The following CACNA2D3 variants were observed in gnomAD, a reference collection of about 807,000 sequenced individuals.
The protein encoded by CACNA2D3 is voltage-dependent calcium channel subunit alpha-2/delta-3.
Under a neutral mutation model 160.6 loss-of-function variants are expected in CACNA2D3, and 60 were observed. That is an observed-to-expected ratio of 0.37 (90% CI 0.30 to 0.46). CACNA2D3 has a LOEUF of 0.46. Ranked by LOEUF, CACNA2D3 falls within the 20% of genes least tolerant of loss-of-function variation. The pLI, the probability that CACNA2D3 is intolerant of heterozygous loss-of-function variation, is 1.00. For synonymous variants in CACNA2D3, 558 were observed against 492.9 expected, an observed-to-expected ratio of 1.13 and a Z score of -1.75; for missense variants, 1,205 against 1,365.0, an observed-to-expected ratio of 0.88 and a Z score of 1.85.
At chr3:54,903,872 A>G (rs1191710014) in intron 27 of CACNA2D3, among the ~76,000 whole-genome samples, 2 of 152,102 alleles carry the variant, frequency 1.3e-5, no homozygotes, top group African/African-American at 2.4e-5. Flanking sequence ...AGAAGTGTCT[A>G]TTCATGTCCT....
intron 4 of CACNA2D3, among the ~76,000 whole-genome samples, chr3:54,473,872 G>A (rs1009638672): frequency 6.6e-6 from 1 of 152,158 alleles, no homozygotes; most frequent in Non-Finnish European, 1.5e-5. Context: ...CATTTAGAAT[G>A]GCGATTATTA....
chr3:54,651,741 C>T (rs757186859), intron 11 of CACNA2D3, among the ~76,000 whole-genome samples: 1 of 152,096 alleles, frequency 6.6e-6, no homozygotes, highest in Admixed American at 6.6e-5. Flanking sequence ...CAGCCTTGCC[C>T]CAGTGGCCTC....
chr3:54,339,127 T>TATTC (rs1331894337), intron 3 of CACNA2D3, among the ~76,000 whole-genome samples: 2 of 152,238 alleles, frequency 1.3e-5, no homozygotes, highest in Non-Finnish European at 2.9e-5. Context: ...GGCCATTGAA[T>TATTC]GGTCCTGGCC....
At chr3:54,203,418 G>T (rs193236046) in intron 2 of CACNA2D3, among the ~76,000 whole-genome samples, 503 of 152,312 alleles carry the variant, frequency 3.3e-3, no homozygotes, top group Non-Finnish European at 4.8e-3. Context: ...GTGTTACAGG[G>T]TGCTCCTTTA....
chr3:54,405,592 A>G (rs1171159987), intron 4 of CACNA2D3, among the ~76,000 whole-genome samples: 1 of 152,102 alleles, frequency 6.6e-6, no homozygotes, highest in African/African-American at 2.4e-5. Context: ...ACCTAAATGT[A>G]AAACCTGAAA....
intron 11 of CACNA2D3, among the ~76,000 whole-genome samples, chr3:54,679,794 T>C (rs758768301): frequency 2.0e-5 from 3 of 152,272 alleles, no homozygotes; most frequent in Non-Finnish European, 2.9e-5. Flanking sequence ...AAATCATTTC[T>C]TATTTTTAAA....
At chr3:54,159,221 GA>G (rs1259661916) in intron 2 of CACNA2D3, among the ~76,000 whole-genome samples, 1 of 151,502 alleles carries the variant, frequency 6.6e-6, no homozygotes, top group Non-Finnish European at 1.5e-5. Context: ...ATAAGTTTAA[GA>G]AAAAAAATCC....
chr3:54,709,612 T>A (rs1203117410), intron 11 of CACNA2D3, among the ~76,000 whole-genome samples: 1 of 152,176 alleles, frequency 6.6e-6, no homozygotes, highest in Admixed American at 6.5e-5. Flanking sequence ...TCCTTCTGCC[T>A]TGGAAGTCTT....
chr3:54,275,404 A>G (rs1702713182), intron 2 of CACNA2D3, among the ~76,000 whole-genome samples: 1 of 152,208 alleles, frequency 6.6e-6, no homozygotes, highest in South Asian at 2.1e-4. Flanking sequence ...AAGTTCAAAA[A>G]CAATATGAAA....
intron 2 of CACNA2D3, among the ~76,000 whole-genome samples, chr3:54,284,271 A>G (rs1232771580): frequency 2.0e-5 from 3 of 151,778 alleles, no homozygotes; most frequent in African/African-American, 4.8e-5. Flanking sequence ...GTATAATAAT[A>G]ATAAAAAATA....
At chr3:54,830,012 C>CGGGTTCAAGCAATTCTCTGCCTCCT (rs1467593383) in intron 14 of CACNA2D3, among the ~76,000 whole-genome samples, 2 of 10,550 alleles carry the variant, frequency 1.9e-4, no homozygotes, top group Admixed American at 6.8e-4. Context: ...CTCTGCCTCC[C>CGGGTTCAAGCAATTCTCTGCCTCCT]GGGTTCAAGC....
intron 2 of CACNA2D3, among the ~76,000 whole-genome samples, chr3:54,170,612 G>T (rs931128976): frequency 2.0e-5 from 3 of 151,958 alleles, no homozygotes; most frequent in East Asian, 1.9e-4. Flanking sequence ...CTTCCTCCCT[G>T]ACTACCTCCC....
At chr3:54,770,120 C>T (rs958407079) in intron 13 of CACNA2D3, among the ~76,000 whole-genome samples, 1 of 152,160 alleles carries the variant, frequency 6.6e-6, no homozygotes, top group Non-Finnish European at 1.5e-5. Context: ...GCTGTTAACC[C>T]GAGATAACTT....
chr3:54,949,234 A>G (rs183190687), intron 27 of CACNA2D3, among the ~76,000 whole-genome samples: 2 of 152,312 alleles, frequency 1.3e-5, no homozygotes, highest in African/African-American at 2.4e-5. Flanking sequence ...ATGCATCCCT[A>G]TGCCTAGCAG....
At chr3:54,595,747 A>G (rs1702942565) in intron 9 of CACNA2D3, among the ~76,000 whole-genome samples, 1 of 152,140 alleles carries the variant, frequency 6.6e-6, no homozygotes, top group South Asian at 2.1e-4. Flanking sequence ...TATAAGAAAT[A>G]ATATCAATAA....
chr3:54,487,322 T>G (rs1701030191), intron 4 of CACNA2D3, among the ~76,000 whole-genome samples: 1 of 152,166 alleles, frequency 6.6e-6, no homozygotes, highest in African/African-American at 2.4e-5. Flanking sequence ...GGACTGAGAT[T>G]GTGCCACTGC....
intron 2 of CACNA2D3, among the ~76,000 whole-genome samples, chr3:54,156,112 C>G (rs1450691562): frequency 6.6e-6 from 1 of 152,110 alleles, no homozygotes; most frequent in Admixed American, 6.5e-5. Flanking sequence ...TTCAAATTGC[C>G]CAGGTGTTCA....
Position 54,642,181 on chromosome 3 carries a change from T to C in CACNA2D3, c.1107T>C (p.Thr369=), listed in dbSNP as rs762807986. ...GCAGTCAGGCCATCATGCTCATAAC[T>C]GATGGGGCGGTGGACACCTATGATA... is the stretch of plus-strand genomic sequence containing the variant. ...SICSQAIMLI[T]DGAVDTYDTI... is the part of the protein sequence containing the mutation. The change falls in exon 11 of 38, where the codon ACT becomes ACC. Residue 369 remains threonine (T), a synonymous_variant. Transcript: ENST00000474759. The C allele has an allele frequency of 6.2e-7, 1 of 1,613,488 alleles. No homozygotes were observed. The highest frequency in any genetic ancestry group is 8.5e-7 in the Non-Finnish European group (1 of 1,179,728).
At chr3:54,141,313 T>C (rs1386528483) in intron 2 of CACNA2D3, among the ~76,000 whole-genome samples, 1 of 152,186 alleles carries the variant, frequency 6.6e-6, no homozygotes, top group African/African-American at 2.4e-5. Flanking sequence ...AAGTGCTTTT[T>C]CTGGGACTTA....
Sources: allele counts gnomAD v4.1 joint callset (sites outside exome capture counted in the v4.1 genomes callset), GRCh38; gene constraint gnomAD v4.1.1; transcripts MANE v1.5; gene names NCBI Gene and HGNC (gene_info 2026-07-23, HGNC 2026-07-21).